Variants in SIDT2 observed in about 807,000 individuals in gnomAD.
SIDT2 encodes the protein SID1 transmembrane family, member 2.
In SIDT2, 68 loss-of-function variants were observed where a neutral mutation model predicts 114.4. That is an observed-to-expected ratio of 0.59 (90% CI 0.49 to 0.73). The LOEUF (loss-of-function observed/expected upper bound fraction) is 0.73. Ranked by LOEUF, SIDT2 falls within the 30% of genes least tolerant of loss-of-function variation. The probability of loss-of-function intolerance (pLI) is 0.00; values close to 1 mark genes in which losing one functional copy is unlikely to be tolerated. For synonymous variants in SIDT2, 470 were observed against 438.4 expected, an observed-to-expected ratio of 1.07 and a Z score of -0.90; for missense variants, 918 against 1,097.1, an observed-to-expected ratio of 0.84 and a Z score of 2.31.
Position 117,191,941 on chromosome 11 carries a change from C to T in SIDT2, c.1799C>T (p.Pro600Leu), listed in dbSNP as rs139484942. 25 of 1,614,066 alleles carry T rather than the reference C, an allele frequency of 1.5e-5. No homozygotes were observed. Among genetic ancestry groups the T allele is most frequent in the African/African-American group, 6.7e-5 (5 of 74,924 alleles). Residue 600 changes from proline (P) to leucine (L), a missense_variant, in exon 19 of 26, where the codon CCG (proline) becomes CTG (leucine). By Grantham distance (98) the Pro-to-Leu change is moderately conservative. Transcript: ENST00000324225. ...CMLKLYQKRH[P>L]DINASAYSAY... ...CTGAAGCTCTACCAGAAGCGGCACC[C>T]GGACATCAACGCCAGCGCCTACAGT...
rs2030728362 is a variant in SIDT2 at position 117,192,216 on chromosome 11, C to T, written c.1873-38C>T. 11 of 1,484,462 alleles carry T rather than the reference C, an allele frequency of 7.4e-6. No individual in the cohort carries two copies. Among genetic ancestry groups the T allele is most frequent in the South Asian group, 1.1e-5 (1 of 88,494 alleles). The allele number at this position is 1,484,462 out of a possible 1,614,324, so 92.0% of individuals were successfully genotyped here. A position where few individuals can be genotyped will look rare whatever the true frequency, so the allele number is the denominator to read the frequency against. On this transcript the variant is annotated intron_variant, in intron 19 of 25. Transcript: ENST00000324225. This position sits in a 1 kb window ranked among gnomAD's most constrained non-coding sequence, Gnocchi z 5.9. ...GGTGGGCCATCCGAGCCACTTCCCT[C>T]TCCACCCTCACCGCTGCCCTTGGTG...
chr11:117,193,698 G>A (rs2030785243), intron 23 of SIDT2, among the ~76,000 whole-genome samples, 155 bp from the exon 24 acceptor site: 1 of 152,136 alleles, frequency 6.6e-6, no homozygotes, highest in South Asian at 2.1e-4. Context: ...GGGGCAGGTT[G>A]AGCTCTGTGG....
At chr11:117,195,436 T>G (rs1247308004) in intron 24 of SIDT2, among the ~76,000 whole-genome samples, 1 of 152,132 alleles carries the variant, frequency 6.6e-6, no homozygotes, top group Non-Finnish European at 1.5e-5. Context: ...GCAGAAAGAT[T>G]AGAGCAAGGG....
chr11:117,191,939 C>T lies in SIDT2; in HGVS notation c.1797C>T (p.His599=), dbSNP rs372871575. 7.7e-5 allele frequency: 125 copies of T among 1,614,190 alleles called. No homozygotes were observed. The highest frequency in any genetic ancestry group is 4.1e-4 in the South Asian group (37 of 91,084). Residue 599 remains histidine (H), a synonymous_variant, in exon 19 of 26, where the codon CAC becomes CAT. Transcript: ENST00000324225. ...TGCTGAAGCTCTACCAGAAGCGGCA[C>T]CCGGACATCAACGCCAGCGCCTACA... The part of the protein sequence containing the change: ...LCMLKLYQKR[H]PDINASAYSA...
intron 8 of SIDT2, 42 bp from the exon 9 acceptor site, chr11:117,186,088 G>A (rs752597058): frequency 1.2e-5 from 18 of 1,562,316 alleles, no homozygotes; most frequent in Non-Finnish European, 7.9e-6. Context: ...GGGAGGTGGT[G>A]GAAGGTTTTG....
chr11:117,179,340 A>G lies in SIDT2; in HGVS notation c.77A>G (p.Lys26Arg). The change falls in exon 1 of 26, where the codon AAG (lysine) becomes AGG (arginine). Residue 26 changes from lysine (K) to arginine (R), a missense_variant. Around this residue, in one of 4 missense-constraint regions of SIDT2, gnomAD observed 553 missense variants for 600.1 expected, o/e 0.92. Transcript: ENST00000324225. Reference sequence around the variant, plus strand: ...AGCCATCTGGGGGTTCTGGGGCCCAAGAACGTCTCGCAGAAAGACGCCGAG... The same window carrying G: ...AGCCATCTGGGGGTTCTGGGGCCCAGGAACGTCTCGCAGAAAGACGCCGAG... ...VESHLGVLGP[K>R]NVSQKDAEFE... 6.2e-7 allele frequency: 1 copy of G among 1,614,188 alleles called. No homozygotes were observed. Among genetic ancestry groups the G allele is most frequent in the Non-Finnish European group, 8.5e-7 (1 of 1,180,026 alleles).
chr11:117,187,211 G>A (rs1038506679), intron 10 of SIDT2, among the ~76,000 whole-genome samples, 167 bp from the exon 11 acceptor site: 3 of 152,074 alleles, frequency 2.0e-5, no homozygotes, highest in Admixed American at 1.3e-4. Flanking sequence ...GGGCTGGGGC[G>A]GGTGGTGGTG....
In SIDT2 at chr11:117,190,415, C is replaced by A; in HGVS notation, c.1617+126C>A. 7.0e-7 allele frequency: 1 copy of A among 1,434,156 alleles called. No homozygotes were observed. The highest frequency in any genetic ancestry group is 2.4e-5 in the East Asian group (1 of 41,436). 88.8% of individuals were successfully genotyped at this position (1,434,156 alleles called of 1,614,324 possible). A position where few individuals can be genotyped will look rare whatever the true frequency, so the allele number is the denominator to read the frequency against. Reference sequence around the variant, plus strand: ...CCAGCTCTCCCCTCCCCAGTTCTGTCTGGCCCACCCTATCCAGCCCAGCCT... The same window carrying A: ...CCAGCTCTCCCCTCCCCAGTTCTGTATGGCCCACCCTATCCAGCCCAGCCT... On this transcript the variant is annotated intron_variant, in intron 17 of 25. Coordinates refer to ENST00000324225, the MANE Select transcript of SIDT2 (RefSeq NM_001040455.2). This position sits in a 1 kb window ranked among gnomAD's most constrained non-coding sequence, Gnocchi z 4.1.
At chr11:117,195,651 G>A (rs1285910353) in intron 24 of SIDT2, 151 bp from the exon 25 acceptor site, 4 of 735,092 alleles carry the variant, frequency 5.4e-6, no homozygotes, top group African/African-American at 3.5e-5. Flanking sequence ...GATCGGGAAG[G>A]GGTAGGGACA....
chr11:117,179,415 A>T lies in SIDT2; in HGVS notation c.152A>T (p.Tyr51Phe). ...GTCAACAGCGAGCTGGTCAACATCT[A>T]CACCTTCAACCATACTGTGACCCGC... is the stretch of plus-strand genomic sequence containing the variant. ...DEVNSELVNI[Y>F]TFNHTVTRNR... Residue 51 changes from tyrosine (Y) to phenylalanine (F), a missense_variant, in exon 1 of 26, where the codon TAC becomes TTC. Around this residue, in one of 4 missense-constraint regions of SIDT2, gnomAD observed 553 missense variants for 600.1 expected, o/e 0.92. Transcript: ENST00000324225. 6.2e-7 allele frequency: 1 copy of T among 1,613,928 alleles called. No homozygotes were observed. The highest frequency in any genetic ancestry group is 8.5e-7 in the Non-Finnish European group (1 of 1,180,000).
At position 117,181,846 on chromosome 11, in the gene SIDT2, C is replaced by A; in HGVS notation, c.345C>A (p.Thr115=). The change falls in exon 3 of 26, where the codon ACC becomes ACA. Residue 115 remains threonine, a synonymous_variant. Transcript: ENST00000324225. The stretch of plus-strand genomic sequence containing the variant: ...ACCTCTACCAAAAAGTGGAACGAAC[C>A]CTGTGTCAGCCCCCCACCAAGAATG... ...RKYLYQKVER[T]LCQPPTKNES... 1 of 1,614,166 alleles carries A rather than the reference C, an allele frequency of 6.2e-7. No homozygotes were observed. Among genetic ancestry groups the A allele is most frequent in the Non-Finnish European group, 8.5e-7 (1 of 1,180,040 alleles).
rs774738797 is a variant in SIDT2, at chr11:117,186,599, C to G, written c.978C>G (p.Thr326=). The change falls in exon 10 of 26, where the codon ACC becomes ACG. Residue 326 remains threonine, a synonymous_variant. Transcript: ENST00000324225. ...GTCCATGCAGGCAGAAGAAGAAGACCCTGCTGGTGGCCATTGACCGAGCCT... is the reference window on the plus strand; with the variant it reads ...GTCCATGCAGGCAGAAGAAGAAGACGCTGCTGGTGGCCATTGACCGAGCCT... ...CWENWRQKKK[T]LLVAIDRACP... is the part of the protein sequence containing the mutation. 3 of 1,570,546 alleles carry G rather than the reference C, an allele frequency of 1.9e-6. No individual in the cohort carries two copies. Among genetic ancestry groups the G allele is most frequent in the East Asian group, 2.2e-5 (1 of 44,692 alleles).
At chr11:117,194,299 C>A in intron 24 of SIDT2, 1 of 183,410 alleles carries the variant, frequency 5.5e-6, no homozygotes, top group East Asian at 1.4e-4. Context: ...GACGATAGGC[C>A]ATGTCTCTAA....
At chr11:117,184,390 A>G (rs1226065671) in intron 8 of SIDT2, among the ~76,000 whole-genome samples, 1 of 152,232 alleles carries the variant, frequency 6.6e-6, no homozygotes, top group Non-Finnish European at 1.5e-5. Context: ...GCCACTTATC[A>G]GCAGTGTAAC....
chr11:117,187,447 T>G lies in SIDT2; in HGVS notation c.1085T>G (p.Phe362Cys), dbSNP rs1158807440. 1 of 1,614,052 alleles carries G rather than the reference T, an allele frequency of 6.2e-7. No homozygotes were observed. ...TATGAGGGTTACAACTATGGCTCCT[T>G]TGGTACGTGTCAAAGCCAGCACCGT... Reference protein sequence around the residue: ...SPYEGYNYGSFENVSGSTDGL... With the variant: ...SPYEGYNYGSCENVSGSTDGL... The change falls in exon 11 of 26, where the codon TTT becomes TGT. Residue 362 changes from phenylalanine (F) to cysteine (C), a missense_variant and splice_region_variant. Transcript: ENST00000324225.
In SIDT2 at chr11:117,179,135, G is replaced by T. The variant is rs868587133; in HGVS notation, c.-129G>T. On this transcript the variant is annotated 5_prime_UTR_variant, in exon 1 of 26. Transcript: ENST00000324225. ...GGGGACATTTCCTAATCTCAGGCCG[G>T]GGTTAAAGTTCTGGTCCTGGTGAGA... 7 of 858,162 alleles carry T rather than the reference G, an allele frequency of 8.2e-6. No homozygotes were observed. Among genetic ancestry groups the T allele is most frequent in the Non-Finnish European group, 1.1e-5 (6 of 567,286 alleles). The allele number at this position is 858,162 out of a possible 1,614,324, so 53.2% of individuals were successfully genotyped here. A position where few individuals can be genotyped will look rare whatever the true frequency, so the allele number is the denominator to read the frequency against.
intron 18 of SIDT2, 91 bp from the exon 19 acceptor site, chr11:117,191,787 T>G (rs1194611977): frequency 1.2e-5 from 19 of 1,536,646 alleles, no homozygotes; most frequent in Admixed American, 1.9e-5. Flanking sequence ...GCACCAGGGC[T>G]CTCTCTTCCT....
At chr11:117,194,116 T>C in intron 24 of SIDT2, 153 bp downstream of exon 24, 1 of 593,924 alleles carries the variant, frequency 1.7e-6, no homozygotes, top group Non-Finnish European at 3.0e-6. Context: ...GCCTGGGCAA[T>C]ATAGTAAGAA....
At position 117,188,805 on chromosome 11, in the gene SIDT2, C is replaced by G. The variant is rs2030594644; in HGVS notation, c.1257C>G (p.Asp419Glu). 6.2e-7 allele frequency: 1 copy of G among 1,614,032 alleles called. No individual in the cohort carries two copies. Among genetic ancestry groups the G allele is most frequent in the African/African-American group, 1.3e-5 (1 of 74,936 alleles). The change falls in exon 13 of 26, where the codon GAC (aspartate) becomes GAG (glutamate). Residue 419 changes from aspartate to glutamate, a missense_variant. Asp to Glu is a conservative substitution (Grantham distance 45, BLOSUM62 2). Transcript: ENST00000324225. The surrounding 1 kb of genome is among the most constrained non-coding windows in gnomAD (Gnocchi z 4.0). ...DYDTLTDIDS[D>E]KNVIRTKQYL... ...ACACATTGACCGACATCGATTCCGA[C>G]AAGAATGTCATTCGCACCAAGGTCT...
Sources: gnomAD v4.1 joint callset for allele counts (sites outside exome capture counted in the v4.1 genomes callset) on GRCh38, gnomAD v4.1.1 for gene constraint, gnomAD v4.1.1 regional missense constraint, Gnocchi (gnomAD v3.1) non-coding constraint, MANE v1.5 for transcripts, NCBI Gene and HGNC (gene_info 2026-07-23, HGNC 2026-07-21) for gene names.